The following RET variants were observed in gnomAD, a reference collection of about 807,000 sequenced individuals.
RET encodes ret proto-oncogene, also known as proto-oncogene tyrosine-protein kinase receptor Ret.
A neutral mutation model predicts 118.3 loss-of-function variants in RET; 19 were observed. That is an observed-to-expected ratio of 0.16 (90% CI 0.11 to 0.24). The LOEUF is 0.24. RET is among the 10% of genes least tolerant of loss of function. The pLI is 1.00. For synonymous variants in RET, 597 were observed against 644.1 expected, an observed-to-expected ratio of 0.93 and a Z score of 1.11; for missense variants, 1,219 against 1,502.1, an observed-to-expected ratio of 0.81 and a Z score of 3.12.
chr10:43,110,339 A>T (rs570645233), intron 6 of RET, among the ~76,000 whole-genome samples: 2 of 152,208 alleles, frequency 1.3e-5, no homozygotes. Context: ...TTTGAGAGTC[A>T]CATGAGCATT....
chr10:43,087,791 C>G (rs1053025164), intron 1 of RET, among the ~76,000 whole-genome samples: 1 of 152,178 alleles, frequency 6.6e-6, no homozygotes, highest in Non-Finnish European at 1.5e-5. Flanking sequence ...AAATTTCCTT[C>G]CATGGTTAGT....
chr10:43,107,022 G>T (rs1273080301), intron 5 of RET, among the ~76,000 whole-genome samples: 1 of 152,238 alleles, frequency 6.6e-6, no homozygotes, highest in Non-Finnish European at 1.5e-5. Flanking sequence ...GGGCTTCTGA[G>T]CCCATTATCC....
At chr10:43,084,136 G>A (rs1292080798) in intron 1 of RET, among the ~76,000 whole-genome samples, 5 of 152,250 alleles carry the variant, frequency 3.3e-5, no homozygotes, top group South Asian at 2.1e-4. Flanking sequence ...GGATGGACAC[G>A]TGGGTGCTTT....
At chr10:43,111,551 G>A (rs2132780448) in intron 7 of RET, 86 bp downstream of exon 7, 2 of 1,447,800 alleles carry the variant, frequency 1.4e-6, no homozygotes, top group East Asian at 2.4e-5. Flanking sequence ...AAGCAGTACA[G>A]CTGCAAGGCT....
rs142572876 is a variant in RET, at chr10:43,129,827, A to C, written c.*1558A>C. The C allele has an allele frequency of 1.1e-3, 447 of 396,900 alleles. 1 individual carries two copies. Among genetic ancestry groups the C allele is most frequent in the African/African-American group, 8.3e-3 (403 of 48,706 alleles). 24.6% of individuals were successfully genotyped at this position (396,900 alleles called of 1,614,324 possible). A position where few individuals can be genotyped will look rare whatever the true frequency, so the allele number is the denominator to read the frequency against. On this transcript the variant is annotated 3_prime_UTR_variant, in exon 20 of 20. Transcript: ENST00000355710. ...AGAGTTTGAAAAATGCTTATTGGAC[A>C]CGTAACCTGGCTCTAATTTGGGCTG...
At chr10:43,119,804 A>C (rs2132953050) in intron 14 of RET, 59 bp downstream of exon 14, 1 of 1,544,390 alleles carries the variant, frequency 6.5e-7, no homozygotes. Flanking sequence ...CTGACCCACC[A>C]CGCCCCTGCC....
intron 15 of RET, 83 bp from the exon 16 acceptor site, chr10:43,121,863 G>T (rs1838225447): frequency 2.0e-6 from 2 of 1,022,596 alleles, no homozygotes; most frequent in African/African-American, 3.2e-5. Flanking sequence ...GAAAGCTCAG[G>T]GATAGGGCCT....
At chr10:43,103,419 C>T (rs574698977) in intron 3 of RET, among the ~76,000 whole-genome samples, 4 of 152,154 alleles carry the variant, frequency 2.6e-5, no homozygotes, top group East Asian at 1.9e-4. Context: ...CGAGGCATGG[C>T]GAGAAGCAGG....
At position 43,119,456 on chromosome 10, in the gene RET, G is replaced by A. The variant is rs993228106; in HGVS notation, c.2393-75G>A. On this transcript the variant is annotated intron_variant, in intron 13 of 19. Coordinates refer to ENST00000355710, the MANE Select transcript of RET (RefSeq NM_020975.6). ...GGTGGCCGGGCCTGGGGACCCTGCG[G>A]CCTCCCACCCCTGGCTCCTGGAAGA... 37 of 1,334,024 alleles carry A rather than the reference G, an allele frequency of 2.8e-5. No homozygotes were observed. In the African/African-American group the frequency reaches 5.2e-4, roughly 19 times the overall value. 82.6% of individuals were successfully genotyped at this position (1,334,024 alleles called of 1,614,324 possible).
intron 5 of RET, among the ~76,000 whole-genome samples, chr10:43,108,669 GCACCAATA>G (rs1368832866): frequency 6.6e-6 from 1 of 151,950 alleles, no homozygotes; most frequent in East Asian, 1.9e-4. Flanking sequence ...ATACACACAG[GCACCAATA>G]CCCTATGCAC....
At chr10:43,118,524 G>C in intron 13 of RET, 44 bp downstream of exon 13, 1 of 1,421,834 alleles carries the variant, frequency 7.0e-7, no homozygotes, top group Non-Finnish European at 9.9e-7. Context: ...CTGCACCCAG[G>C]CTGGGGGCTC....
In RET at chr10:43,112,712, C is replaced by T. The variant is rs1381188750; in HGVS notation, c.1649-141C>T. The T allele has an allele frequency of 1.7e-5, 12 of 720,506 alleles. No individual in the cohort carries two copies. The East Asian group carries it at 3.2e-4, about 19-fold the overall frequency. The allele number at this position is 720,506 out of a possible 1,614,324, so 44.6% of individuals were successfully genotyped here. On this transcript the variant is annotated intron_variant, in intron 8 of 19. Coordinates refer to ENST00000355710, the MANE Select transcript of RET (RefSeq NM_020975.6). ...GCCATGGCTCCCCAGGATGCTTCCG[C>T]TGGCAAGGCTCTGTATATGGTGTTT...
chr10:43,115,640 T>A (rs751286426), intron 11 of RET, among the ~76,000 whole-genome samples: 9 of 152,238 alleles, frequency 5.9e-5, no homozygotes, highest in African/African-American at 1.4e-4. Flanking sequence ...AAGGCCGCAC[T>A]GGTCTGGGCT....
chr10:43,094,048 C>G (rs1362570094), intron 1 of RET, among the ~76,000 whole-genome samples: 3 of 124,438 alleles, frequency 2.4e-5, no homozygotes, highest in East Asian at 2.5e-4. Flanking sequence ...AAATATTTGA[C>G]TATAGTAAGA....
At chr10:43,107,547 A>AC (rs987006640) in intron 5 of RET, among the ~76,000 whole-genome samples, 1 of 125,340 alleles carries the variant, frequency 8.0e-6, no homozygotes, top group Non-Finnish European at 1.6e-5. Flanking sequence ...TAGACCTTTA[A>AC]CCCCCCATGC....
At chr10:43,125,285 T>C (rs1838305823) in intron 18 of RET, among the ~76,000 whole-genome samples, 1 of 152,168 alleles carries the variant, frequency 6.6e-6, no homozygotes, top group Admixed American at 6.5e-5. Context: ...TTTTCCATAA[T>C]GGAAAATGAG....
intron 15 of RET, 77 bp downstream of exon 15, chr10:43,120,280 C>T (rs2132966830): frequency 6.3e-7 from 1 of 1,584,446 alleles, no homozygotes; most frequent in African/African-American, 1.3e-5. Context: ...CCTTGGGAAG[C>T]CTAGGAAAGA....
rs144455821 is a variant in RET, at chr10:43,112,941, C to G, written c.1737C>G (p.Asn579Lys). The change falls in exon 9 of 20, where the codon AAC (asparagine) becomes AAG (lysine). Residue 579 changes from asparagine (N) to lysine (K), a missense_variant. By Grantham distance (94) the Asn-to-Lys change is moderately conservative (BLOSUM62 0). Transcript: ENST00000355710. The stretch of plus-strand genomic sequence containing the variant: ...ATGTTGTGGAGACCCAAGACATCAA[C>G]ATTTGCCCTCAGGACTGCCTCCGTA... ...HCDVVETQDI[N>K]ICPQDCLRGS... The G allele has an allele frequency of 3.0e-5, 48 of 1,614,020 alleles. No individual in the cohort carries two copies. The highest frequency in any genetic ancestry group is 3.7e-5 in the Non-Finnish European group (44 of 1,179,988).
intron 1 of RET, among the ~76,000 whole-genome samples, chr10:43,092,929 G>A (rs752854972): frequency 5.1e-4 from 78 of 152,216 alleles, no homozygotes; most frequent in Non-Finnish European, 6.6e-4. Context: ...GTATCTCCCC[G>A]TCCTCTTACT....
Sources: gnomAD v4.1 joint callset for allele counts (sites outside exome capture counted in the v4.1 genomes callset) on GRCh38, gnomAD v4.1.1 for gene constraint, MANE v1.5 for transcripts, NCBI Gene and HGNC (gene_info 2026-07-23, HGNC 2026-07-21) for gene names.